Variants in FSTL5 observed in about 807,000 individuals in gnomAD.
FSTL5 encodes the protein follistatin like 5.
FSTL5 carries 62 observed loss-of-function variants against 89.1 expected under a neutral mutation model. The observed-to-expected ratio is 0.70, with a 90% CI of 0.57 to 0.86. The LOEUF (loss-of-function observed/expected upper bound fraction) is 0.86. Ranked by LOEUF, FSTL5 falls within the 40% of genes least tolerant of loss-of-function variation. The pLI is 0.00. For synonymous variants in FSTL5, 383 were observed against 346.2 expected, an observed-to-expected ratio of 1.11 and a Z score of -1.18; for missense variants, 1,057 against 1,001.6, an observed-to-expected ratio of 1.06 and a Z score of -0.75.
At chr4:161,863,233 G>A (rs115007948) in intron 4 of FSTL5, among the ~76,000 whole-genome samples, 2 of 152,208 alleles carry the variant, frequency 1.3e-5, no homozygotes, top group Non-Finnish European at 2.9e-5. Context: ...GATCTTGTTA[G>A]ATGTAAACAG....
rs10021817 is a variant in FSTL5 at position 161,905,694 on chromosome 4, G to A, written c.409+14710C>T. Among the ~76,000 whole-genome samples, 250 of 152,228 alleles carry A rather than the reference G, an allele frequency of 1.6e-3. 1 individual carries two copies. Among genetic ancestry groups the A allele is most frequent in the African/African-American group, 5.9e-3 (246 of 41,528 alleles). On this transcript the variant is annotated intron_variant, in intron 4 of 15. Transcript: ENST00000306100. ...GACCAGTAGGGACCTCACTGAGACT[G>A]CTTGACAGAAGACACTGAACCTTCC...
At chr4:161,861,862 C>T (rs1731927889) in intron 4 of FSTL5, among the ~76,000 whole-genome samples, 1 of 152,176 alleles carries the variant, frequency 6.6e-6, no homozygotes, top group Non-Finnish European at 1.5e-5. Context: ...ATGCATGTGT[C>T]TGTGGCTAAG....
chr4:161,774,246 T>A (rs1741316758), intron 5 of FSTL5, among the ~76,000 whole-genome samples: 2 of 152,058 alleles, frequency 1.3e-5, no homozygotes, highest in South Asian at 4.2e-4. Flanking sequence ...ACATCACAAA[T>A]GCAAGGGAAG....
intron 4 of FSTL5, among the ~76,000 whole-genome samples, chr4:161,877,945 C>T (rs1256752929): frequency 7.9e-5 from 12 of 151,364 alleles, no homozygotes; most frequent in African/African-American, 2.2e-4. Flanking sequence ...TGAGTAACTG[C>T]GCCCGGCACC....
intron 15 of FSTL5, among the ~76,000 whole-genome samples, chr4:161,437,460 G>A (rs747953667): frequency 2.6e-4 from 39 of 151,030 alleles, no homozygotes; most frequent in Non-Finnish European, 4.9e-4. Context: ...CCAGCTACTC[G>A]GGAGGCTGAG....
intron 7 of FSTL5, among the ~76,000 whole-genome samples, chr4:161,601,793 A>C (rs568999134): frequency 6.6e-6 from 1 of 152,278 alleles, no homozygotes; most frequent in South Asian, 2.1e-4. Flanking sequence ...GTGGCTAACA[A>C]AACCAAAACA....
At chr4:161,496,493 G>C (rs1201714803) in intron 12 of FSTL5, among the ~76,000 whole-genome samples, 7 of 152,062 alleles carry the variant, frequency 4.6e-5, no homozygotes, top group Non-Finnish European at 1.5e-5. Flanking sequence ...AAAGACTAAG[G>C]TTTTTTCAAA....
intron 1 of FSTL5, among the ~76,000 whole-genome samples, chr4:162,128,651 T>C (rs750514826): frequency 1.3e-5 from 2 of 152,172 alleles, no homozygotes; most frequent in Non-Finnish European, 1.5e-5. Context: ...CAGATTCTAA[T>C]AGAATAACTC....
rs117812868 is a variant in FSTL5 at position 162,013,004 on chromosome 4, T to G, written c.160+20621A>C. ...TTCAAGACCAGTCTGCACAACATGGTGAAACCCTGTCTCCATTGAAAATAC... is the reference window on the plus strand; with the variant it reads ...TTCAAGACCAGTCTGCACAACATGGGGAAACCCTGTCTCCATTGAAAATAC... On this transcript the variant is annotated intron_variant, in intron 3 of 15. Coordinates refer to ENST00000306100, the MANE Select transcript of FSTL5 (RefSeq NM_020116.5). 8.3e-3 allele frequency among the ~76,000 whole-genome samples: 1,266 copies of G among 152,086 alleles called. 31 individuals are homozygous for G. The highest frequency in any genetic ancestry group is 0.034 in the East Asian group (176 of 5,160).
chr4:161,470,825 T>C (rs1190137945), intron 13 of FSTL5, among the ~76,000 whole-genome samples: 2 of 152,218 alleles, frequency 1.3e-5, no homozygotes, highest in Non-Finnish European at 2.9e-5. Flanking sequence ...AATCTCTACG[T>C]ATTTTACTCT....
intron 6 of FSTL5, among the ~76,000 whole-genome samples, chr4:161,710,110 A>G (rs192988222): frequency 6.6e-5 from 10 of 152,054 alleles, no homozygotes; most frequent in African/African-American, 2.4e-4. Flanking sequence ...CTGGGACCAG[A>G]GAAATATACC....
chr4:162,156,328 G>A (rs1396678784), intron 1 of FSTL5, among the ~76,000 whole-genome samples: 1 of 152,196 alleles, frequency 6.6e-6, no homozygotes, highest in Non-Finnish European at 1.5e-5. Context: ...GAAGAAAGCA[G>A]TTTGGAGATT....
At chr4:161,956,008 T>C (rs1735018359) in intron 3 of FSTL5, among the ~76,000 whole-genome samples, 1 of 151,894 alleles carries the variant, frequency 6.6e-6, no homozygotes, top group African/African-American at 2.4e-5. Flanking sequence ...GAGAATCACA[T>C]GCTACTGATG....
At chr4:161,506,486 T>C (rs954546583) in intron 11 of FSTL5, among the ~76,000 whole-genome samples, 4 of 152,160 alleles carry the variant, frequency 2.6e-5, no homozygotes, top group Admixed American at 1.3e-4. Context: ...ATGATTAAGT[T>C]CTTTAGTGGC....
chr4:161,706,467 G>A (rs1738583547), intron 6 of FSTL5, among the ~76,000 whole-genome samples: 1 of 152,038 alleles, frequency 6.6e-6, no homozygotes, highest in African/African-American at 2.4e-5. Flanking sequence ...CACTCTTGCA[G>A]AAGTAATAAG....
rs755647924 is a variant in FSTL5 at position 161,992,904 on chromosome 4, GTATATATATATA to G, written c.160+40709_160+40720del. On this transcript the variant is annotated intron_variant, in intron 3 of 15. Transcript: ENST00000306100. Reference sequence around the variant, plus strand: ...TATATATATATATATATATGTGTGTGTATATATATATATATATATATGTGTGTATATATATAT... The same window carrying G: ...TATATATATATATATATATGTGTGTGTATATATATGTGTGTATATATATAT... 4.8e-5 allele frequency among the ~76,000 whole-genome samples: 3 copies of G among 62,294 alleles called. No individual in the cohort carries two copies. The Admixed American group carries it at 6.0e-4, about 12-fold the overall frequency. The allele number at this position is 62,294 out of a possible 152,430, so 40.9% of individuals were successfully genotyped here. A position where few individuals can be genotyped will look rare whatever the true frequency, so the allele number is the denominator to read the frequency against.
intron 1 of FSTL5, among the ~76,000 whole-genome samples, chr4:162,139,529 T>G (rs1732646303): frequency 6.6e-6 from 1 of 151,838 alleles, no homozygotes; most frequent in Non-Finnish European, 1.5e-5. Context: ...AGAGGCAGCA[T>G]ACATAAAATT....
intron 3 of FSTL5, among the ~76,000 whole-genome samples, chr4:162,026,305 T>TTTTTTTTTTTTTTTTTTTTTTTTTTC (rs1737286755): frequency 3.6e-5 from 1 of 27,806 alleles, no homozygotes. Context: ...ATGTATTTTC[T>TTTTTTTTTTTTTTTTTTTTTTTTTTC]TTTTTTTTTT....
chr4:161,471,002 T>C (rs1317604242), intron 13 of FSTL5, among the ~76,000 whole-genome samples: 2 of 152,366 alleles, frequency 1.3e-5, no homozygotes, highest in South Asian at 2.1e-4. Flanking sequence ...TAGGGTTTTC[T>C]ACATGTAAGA....
Sources: allele counts gnomAD v4.1 joint callset (sites outside exome capture counted in the v4.1 genomes callset), GRCh38; gene constraint gnomAD v4.1.1; transcripts MANE v1.5; gene names NCBI Gene and HGNC (gene_info 2026-07-23, HGNC 2026-07-21).